DENND6A: variants seen among roughly 807,000 people sequenced by gnomAD.
DENND6A encodes the protein DENN domain containing 6A, also known as protein DENND6A.
Under a neutral mutation model 95.5 loss-of-function variants are expected in DENND6A, and 43 were observed. The ratio of observed to expected loss-of-function variants is 0.45; its 90% CI spans 0.35 to 0.58. The LOEUF is 0.58. DENND6A is among the 20% of genes least tolerant of loss of function. The pLI is 0.00. For missense variants in DENND6A, 574 were observed against 736.0 expected (o/e 0.78, Z 2.55); for synonymous variants, 257 against 260.4 (o/e 0.99, Z 0.13).
intron 8 of DENND6A, 113 bp downstream of exon 8, chr3:57,659,005 A>G (rs1474100240): frequency 2.2e-6 from 2 of 912,860 alleles, no homozygotes; most frequent in Admixed American, 2.3e-5. Flanking sequence ...GGGACATTTC[A>G]GTAATATTCA....
chr3:57,667,426 G>A (rs1414285402), intron 3 of DENND6A, among the ~76,000 whole-genome samples: 3 of 152,116 alleles, frequency 2.0e-5, no homozygotes, highest in African/African-American at 7.2e-5. Context: ...CAAAGTGCTG[G>A]GATTACAGGC....
chr3:57,648,973 C>T (rs1327170307), intron 9 of DENND6A, among the ~76,000 whole-genome samples: 4 of 152,126 alleles, frequency 2.6e-5, no homozygotes, highest in Non-Finnish European at 5.9e-5. Flanking sequence ...GACTTCATGA[C>T]CAAGAACCCA....
chr3:57,656,243 T>C (rs1003879924), intron 9 of DENND6A, among the ~76,000 whole-genome samples: 1 of 152,224 alleles, frequency 6.6e-6, no homozygotes, highest in Admixed American at 6.5e-5. Flanking sequence ...AGTTTTATCT[T>C]TTCCAGAACA....
intron 9 of DENND6A, among the ~76,000 whole-genome samples, chr3:57,651,588 G>A (rs1163309181): frequency 6.6e-6 from 1 of 152,042 alleles, no homozygotes; most frequent in East Asian, 1.9e-4. Flanking sequence ...TAGCAGTGAT[G>A]GTTGCACAAC....
Position 57,645,719 on chromosome 3 carries a change from G to T in DENND6A, c.979C>A (p.Pro327Thr). The T allele has an allele frequency of 1.9e-6, 3 of 1,613,486 alleles. No individual in the cohort carries two copies. The highest frequency in any genetic ancestry group is 2.5e-6 in the Non-Finnish European group (3 of 1,179,682). The change falls in exon 11 of 20, where the codon CCT (proline) becomes ACT (threonine). Residue 327 changes from proline to threonine, a missense_variant. Transcript: ENST00000311128. ...TCACTATCATGAATAGTGAAATAAG[G>T]TCGGAAATCACTGAAGTACTTTAAT... ...SPLKYFSDFRPYFTIHDSEFK... is the reference protein window; with the variant it reads ...SPLKYFSDFRTYFTIHDSEFK...
intron 1 of DENND6A, among the ~76,000 whole-genome samples, chr3:57,691,994 G>A (rs542077025): frequency 1.3e-5 from 2 of 151,934 alleles, no homozygotes; most frequent in Non-Finnish European, 2.9e-5. Context: ...CACTTTGGAA[G>A]GCCTAGGCGG....
chr3:57,686,552 CAAT>C (rs1396417483), intron 1 of DENND6A, among the ~76,000 whole-genome samples: 6 of 152,332 alleles, frequency 3.9e-5, no homozygotes, highest in Middle Eastern at 6.8e-3. Flanking sequence ...ATTTTTCCAA[CAAT>C]GTGTTCACTT....
intron 4 of DENND6A, 72 bp from the exon 5 acceptor site, chr3:57,663,788 T>C: frequency 1.2e-6 from 1 of 847,762 alleles, no homozygotes; most frequent in Middle Eastern, 3.7e-4. Flanking sequence ...TATCCATATC[T>C]ATATCTTTTA....
At chr3:57,656,866 G>A (rs981737217) in intron 9 of DENND6A, among the ~76,000 whole-genome samples, 9 of 152,168 alleles carry the variant, frequency 5.9e-5, no homozygotes, top group African/African-American at 2.2e-4. Context: ...GCTGAGGCAG[G>A]AGAATCGCTT....
intron 12 of DENND6A, among the ~76,000 whole-genome samples, chr3:57,636,261 T>C (rs2070789457): frequency 6.6e-6 from 1 of 152,138 alleles, no homozygotes; most frequent in South Asian, 2.1e-4. Context: ...ATACAGTCTA[T>C]AAAGGAAAGA....
intron 1 of DENND6A, among the ~76,000 whole-genome samples, chr3:57,677,298 C>T (rs114954892): frequency 6.8e-4 from 104 of 152,174 alleles, no homozygotes; most frequent in Middle Eastern, 3.4e-3. Context: ...GAAACCAAGT[C>T]CTTACATTAT....
At chr3:57,687,818 A>G (rs1310052191) in intron 1 of DENND6A, among the ~76,000 whole-genome samples, 1 of 151,934 alleles carries the variant, frequency 6.6e-6, no homozygotes, top group Non-Finnish European at 1.5e-5. Context: ...CTGCAGTATC[A>G]GCTACCAGGG....
rs760862547 is a variant in DENND6A, at chr3:57,633,319, A to G, written c.1299T>C (p.Ser433=). 6.2e-7 allele frequency: 1 copy of G among 1,613,912 alleles called. No individual in the cohort carries two copies. Among genetic ancestry groups the G allele is most frequent in the South Asian group, 1.1e-5 (1 of 91,028 alleles). The change falls in exon 15 of 20, where the codon AGT becomes AGC. Residue 433 remains serine (S), a synonymous_variant. Transcript: ENST00000311128. Reference sequence around the variant, plus strand: ...CCAAAAAATAGCGTCGAAGAATAACACTTTGAGCCTCAGAAGGACGTTTCT... The same window carrying G: ...CCAAAAAATAGCGTCGAAGAATAACGCTTTGAGCCTCAGAAGGACGTTTCT... The part of the protein sequence containing the change: ...VQQKRPSEAQ[S]VILRRYFLEL...
chr3:57,644,505 G>A (rs1288710228), intron 11 of DENND6A, among the ~76,000 whole-genome samples: 2 of 150,790 alleles, frequency 1.3e-5, no homozygotes, highest in South Asian at 2.1e-4. Context: ...ACAGGGTTTT[G>A]CCATGTTGCC....
In DENND6A at chr3:57,644,944, A is replaced by G. The variant is rs1224476240; in HGVS notation, c.1037+717T>C. On this transcript the variant is annotated intron_variant, in intron 11 of 19. Transcript: ENST00000311128. The stretch of plus-strand genomic sequence containing the variant: ...ATATGAAGAAGTCAATCCGCAGTTG[A>G]CTAGAAGCAACCAGAAAATCAGGAA... Among the ~76,000 whole-genome samples the G allele has an allele frequency of 3.9e-5, 6 of 151,968 alleles. No individual in the cohort carries two copies. In the East Asian group the frequency reaches 1.2e-3, roughly 29 times the overall value.
intron 12 of DENND6A, among the ~76,000 whole-genome samples, chr3:57,640,559 C>T (rs1259572512): frequency 6.6e-6 from 1 of 152,180 alleles, no homozygotes; most frequent in Non-Finnish European, 1.5e-5. Flanking sequence ...GCCTGGGCAA[C>T]AGAGTGAGAC....
chr3:57,641,816 A>T lies in DENND6A; in HGVS notation c.1038-69T>A, dbSNP rs1273378399. ...GATGAATGCTAAATCAGTGAAGAAT[A>T]GTTTACTTTTTTTTTCAATGAACAA... On this transcript the variant is annotated intron_variant, in intron 11 of 19. Coordinates refer to ENST00000311128, the MANE Select transcript of DENND6A (RefSeq NM_152678.3). 3 of 1,355,148 alleles carry T rather than the reference A, an allele frequency of 2.2e-6. No individual in the cohort carries two copies. In the African/African-American group the frequency reaches 4.4e-5, roughly 20 times the overall value. The allele number at this position is 1,355,148 out of a possible 1,614,324, so 83.9% of individuals were successfully genotyped here.
intron 12 of DENND6A, among the ~76,000 whole-genome samples, chr3:57,641,426 T>A (rs2070933675): frequency 6.7e-6 from 1 of 148,226 alleles, no homozygotes; most frequent in African/African-American, 2.5e-5. Context: ...ATTATTATTC[T>A]ATAATAATAT....
chr3:57,691,799 T>G (rs1447423990), intron 1 of DENND6A, among the ~76,000 whole-genome samples: 2 of 150,444 alleles, frequency 1.3e-5, no homozygotes, highest in Non-Finnish European at 2.9e-5. Context: ...ACGTCAAGAA[T>G]AGATGTTTCT....
Sources: allele counts gnomAD v4.1 joint callset (sites outside exome capture counted in the v4.1 genomes callset), GRCh38; gene constraint gnomAD v4.1.1; transcripts MANE v1.5; gene names NCBI Gene and HGNC (gene_info 2026-07-23, HGNC 2026-07-21).